The following ZNF385D variants were observed in gnomAD, a reference collection of about 807,000 sequenced individuals.
ZNF385D encodes zinc finger protein 385D.
A neutral mutation model predicts 35.8 loss-of-function variants in ZNF385D; 15 were observed. The observed-to-expected ratio is 0.42, with a 90% CI of 0.28 to 0.64. The LOEUF is 0.64. Among genes scored for constraint, ZNF385D ranks in the 30% least tolerant of loss-of-function variants. The pLI, the probability that ZNF385D is intolerant of heterozygous loss-of-function variation, is 0.23. For missense variants in ZNF385D, 474 were observed against 494.6 expected, an observed-to-expected ratio of 0.96 and a Z score of 0.39; for synonymous variants, 212 against 186.8, an observed-to-expected ratio of 1.13 and a Z score of -1.10.
intron 4 of ZNF385D, among the ~76,000 whole-genome samples, chr3:21,453,579 A>G (rs994086755): frequency 6.6e-6 from 1 of 152,068 alleles, no homozygotes; most frequent in Non-Finnish European, 1.5e-5. Flanking sequence ...TTCTTGAAAT[A>G]AGGTGTATAA....
At chr3:21,809,687 C>G (rs1053142701) in intron 3 of ZNF385D, among the ~76,000 whole-genome samples, 1 of 148,094 alleles carries the variant, frequency 6.8e-6, no homozygotes, top group Admixed American at 6.8e-5. Context: ...CACATATATA[C>G]CTATATACAT....
At chr3:21,703,102 G>A (rs907032394) in intron 1 of ZNF385D, among the ~76,000 whole-genome samples, 7 of 152,020 alleles carry the variant, frequency 4.6e-5, no homozygotes, top group African/African-American at 7.2e-5. Flanking sequence ...CAATTTTCAC[G>A]CTGCTGATAA....
intron 2 of ZNF385D, among the ~76,000 whole-genome samples, chr3:22,170,650 T>C (rs1442650998): frequency 6.6e-6 from 1 of 152,190 alleles, no homozygotes; most frequent in Non-Finnish European, 1.5e-5. Context: ...AGAAAATTTA[T>C]AGACTTTGTA....
intron 3 of ZNF385D, among the ~76,000 whole-genome samples, chr3:21,999,130 C>T (rs1466650439): frequency 2.0e-5 from 3 of 152,164 alleles, no homozygotes; most frequent in Non-Finnish European, 4.4e-5. Flanking sequence ...GCACATCAGT[C>T]AGGTTCACAG....
intron 3 of ZNF385D, among the ~76,000 whole-genome samples, chr3:21,937,144 T>A (rs1343364432): frequency 6.6e-6 from 1 of 152,184 alleles, no homozygotes; most frequent in Non-Finnish European, 1.5e-5. Context: ...AAAAATGTGT[T>A]CATAAAAAGT....
intron 3 of ZNF385D, among the ~76,000 whole-genome samples, chr3:21,796,607 A>T (rs1351245747): frequency 6.6e-6 from 1 of 152,222 alleles, no homozygotes. Flanking sequence ...CACTTTCACA[A>T]AAATAAACTA....
chr3:21,864,038 A>C (rs745938215), intron 3 of ZNF385D, among the ~76,000 whole-genome samples: 7 of 152,130 alleles, frequency 4.6e-5, no homozygotes, highest in Non-Finnish European at 1.0e-4. Flanking sequence ...CCAAAAAAGT[A>C]GTTTCCTCAC....
chr3:22,316,167 A>G (rs1703874361), intron 2 of ZNF385D, among the ~76,000 whole-genome samples: 1 of 151,836 alleles, frequency 6.6e-6, no homozygotes, highest in South Asian at 2.1e-4. Context: ...GGTTTTCCAC[A>G]CTCCTGTGAT....
At chr3:22,226,179 C>A (rs1698546712) in intron 2 of ZNF385D, among the ~76,000 whole-genome samples, 1 of 151,492 alleles carries the variant, frequency 6.6e-6, no homozygotes, top group South Asian at 2.1e-4. Context: ...GTTTCCATTT[C>A]CAAGTTTGAT....
At chr3:22,248,613 C>T (rs1699910601) in intron 2 of ZNF385D, among the ~76,000 whole-genome samples, 1 of 152,106 alleles carries the variant, frequency 6.6e-6, no homozygotes, top group Non-Finnish European at 1.5e-5. Context: ...TATTTACTTG[C>T]TCTGTGATTT....
chr3:21,698,016 A>G (rs962157779), intron 1 of ZNF385D, among the ~76,000 whole-genome samples: 1 of 152,178 alleles, frequency 6.6e-6, no homozygotes, highest in African/African-American at 2.4e-5. Context: ...AATTAGTGCA[A>G]CCTCTATGGA....
chr3:22,128,961 C>T (rs1418491707), intron 3 of ZNF385D, among the ~76,000 whole-genome samples: 3 of 152,082 alleles, frequency 2.0e-5, no homozygotes, highest in Admixed American at 6.6e-5. Flanking sequence ...ACCTGTCCTA[C>T]TTGAGAAGGT....
At chr3:22,184,301 G>A (rs549290236) in intron 2 of ZNF385D, among the ~76,000 whole-genome samples, 31 of 152,210 alleles carry the variant, frequency 2.0e-4, no homozygotes, top group Admixed American at 1.5e-3. Context: ...CATTATTGAC[G>A]TCAGGGCAAC....
chr3:21,846,968 G>C (rs974999446), intron 3 of ZNF385D, among the ~76,000 whole-genome samples: 2 of 152,044 alleles, frequency 1.3e-5, no homozygotes, highest in African/African-American at 4.8e-5. Context: ...AAAAGGTCAT[G>C]TAACTAGTCA....
rs115417601 is a variant in ZNF385D at position 22,268,915 on chromosome 3, T to C, written c.107-99880A>G. 4.5e-3 allele frequency among the ~76,000 whole-genome samples: 680 copies of C among 152,030 alleles called. 7 individuals carry two copies. The highest frequency in any genetic ancestry group is 0.016 in the African/African-American group (647 of 41,494). ...GGGGAGAATGGGGTTGTGGTGAAGA[T>C]ATAATCAGCTAATGCAGGTAATTCA... On this transcript the variant is annotated intron_variant, in intron 2 of 5. Coordinates refer to the ZNF385D transcript ENST00000494108.
chr3:21,662,447 A>G (rs531642283), intron 2 of ZNF385D, among the ~76,000 whole-genome samples: 5 of 152,336 alleles, frequency 3.3e-5, no homozygotes, highest in African/African-American at 1.2e-4. Context: ...GCTCTCTTGA[A>G]TGAGAAATAA....
In ZNF385D at chr3:21,803,401, A is replaced by G. The variant is rs143447935; in HGVS notation, c.326-138373T>C. On this transcript the variant is annotated intron_variant, in intron 3 of 5. Transcript: ENST00000494108. ...TTTTCTAGAAAATCATCTGGACACC[A>G]TGTTTTCTTCTGTATAGGAGTCATT... 1.2e-4 allele frequency among the ~76,000 whole-genome samples: 19 copies of G among 152,276 alleles called. No homozygotes were observed. In the East Asian group the frequency reaches 3.3e-3, roughly 26 times the overall value.
chr3:22,047,926 T>G (rs929010031), intron 3 of ZNF385D, among the ~76,000 whole-genome samples: 2 of 152,204 alleles, frequency 1.3e-5, no homozygotes, highest in African/African-American at 4.8e-5. Flanking sequence ...TTGGTTTTTT[T>G]GCTAATATTA....
intron 2 of ZNF385D, among the ~76,000 whole-genome samples, chr3:21,642,552 A>C (rs1341437765): frequency 6.6e-6 from 1 of 152,098 alleles, no homozygotes. Flanking sequence ...CCCTACCTAG[A>C]TTCAGTCAGC....
Sources: allele counts gnomAD v4.1 joint callset (sites outside exome capture counted in the v4.1 genomes callset), GRCh38; gene constraint gnomAD v4.1.1; transcripts MANE v1.5; gene names NCBI Gene and HGNC (gene_info 2026-07-23, HGNC 2026-07-21).